LRRTM4: variants seen among roughly 807,000 people sequenced by gnomAD.
The protein encoded by LRRTM4 is leucine-rich repeat transmembrane neuronal protein 4.
In LRRTM4, 25 loss-of-function variants were observed where a neutral mutation model predicts 47.6. That is an observed-to-expected ratio of 0.53 (90% confidence interval 0.38 to 0.73). The LOEUF is 0.73. Among genes scored for constraint, LRRTM4 ranks in the 30% least tolerant of loss-of-function variants. The pLI is 0.00. For missense variants in LRRTM4, 638 were observed against 713.4 expected (o/e 0.89, Z 1.20); for synonymous variants, 311 against 269.5 (o/e 1.15, Z -1.51).
At chr2:76,809,307 C>A (rs1409964360) in intron 3 of LRRTM4, among the ~76,000 whole-genome samples, 1 of 152,048 alleles carries the variant, frequency 6.6e-6, no homozygotes, top group Non-Finnish European at 1.5e-5. Flanking sequence ...CATTTTTATT[C>A]AGTATTTTTC....
At chr2:77,188,024 C>T (rs1223616208) in intron 3 of LRRTM4, among the ~76,000 whole-genome samples, 3 of 152,074 alleles carry the variant, frequency 2.0e-5, no homozygotes, top group African/African-American at 7.2e-5. Context: ...ATACTACATA[C>T]CAATTTTACA....
chr2:77,030,101 C>G (rs1678600802), intron 3 of LRRTM4, among the ~76,000 whole-genome samples: 1 of 152,118 alleles, frequency 6.6e-6, no homozygotes. Flanking sequence ...TACACAAGTT[C>G]CAATTATCAC....
At chr2:77,084,799 A>C (rs1680655846) in intron 3 of LRRTM4, among the ~76,000 whole-genome samples, 1 of 152,246 alleles carries the variant, frequency 6.6e-6, no homozygotes, top group Non-Finnish European at 1.5e-5. Context: ...ATAGATGAAG[A>C]TATACATGAA....
chr2:77,090,420 T>A (rs1670569280), intron 3 of LRRTM4, among the ~76,000 whole-genome samples: 3 of 152,074 alleles, frequency 2.0e-5, no homozygotes, highest in African/African-American at 7.2e-5. Flanking sequence ...TATTACCCAA[T>A]CTGCTCCCGA....
chr2:76,788,712 T>C (rs556427217), intron 3 of LRRTM4, among the ~76,000 whole-genome samples: 1 of 152,318 alleles, frequency 6.6e-6, no homozygotes, highest in African/African-American at 2.4e-5. Context: ...CAGTGTCCTT[T>C]TATATCTATT....
intron 3 of LRRTM4, among the ~76,000 whole-genome samples, chr2:76,798,976 A>G (rs1573126213): frequency 1.3e-5 from 2 of 150,922 alleles, no homozygotes; most frequent in Non-Finnish European, 3.0e-5. Flanking sequence ...ACCAACCAAA[A>G]AGAGTCCAGG....
rs1407122938 is a variant in LRRTM4 at position 77,106,434 on chromosome 2, T to C, written c.1552-357518A>G. Reference sequence around the variant, plus strand: ...TTTGTATCACATGTTGTCATAAATTTTACCTTCTCTGCTGTAAGCATTACC... The same window carrying C: ...TTTGTATCACATGTTGTCATAAATTCTACCTTCTCTGCTGTAAGCATTACC... On this transcript the variant is annotated intron_variant, in intron 3 of 3. Coordinates refer to ENST00000409884, the MANE Select transcript of LRRTM4 (RefSeq NM_001134745.3). 2.0e-5 allele frequency among the ~76,000 whole-genome samples: 3 copies of C among 152,166 alleles called. No homozygotes were observed. In the East Asian group the frequency reaches 5.8e-4, roughly 29 times the overall value.
intron 3 of LRRTM4, among the ~76,000 whole-genome samples, chr2:77,457,006 A>G (rs868596678): frequency 0.17 from 1,166 of 6,784 alleles, 29 homozygotes; most frequent in African/African-American, 0.33. Context: ...GTGTGTGTGT[A>G]TATATATATA....
rs2103775788 is a variant in LRRTM4, at chr2:77,147,052, C to T, written c.1551+371266G>A. 1.3e-5 allele frequency among the ~76,000 whole-genome samples: 2 copies of T among 152,178 alleles called. 1 individual carries two copies. The highest frequency in any genetic ancestry group is 4.1e-4 in the South Asian group (2 of 4,824). ...TTAAAATATACATCTTTCCCAGAGA[C>T]AATTAGGAATGCTGCATAAAAATCA... On this transcript the variant is annotated intron_variant, in intron 3 of 3. Coordinates refer to ENST00000409884, the MANE Select transcript of LRRTM4 (RefSeq NM_001134745.3).
At chr2:76,763,665 A>C (rs937129951) in intron 3 of LRRTM4, among the ~76,000 whole-genome samples, 23 of 152,136 alleles carry the variant, frequency 1.5e-4, no homozygotes, top group Non-Finnish European at 3.4e-4. Flanking sequence ...ATAGCTAAAA[A>C]TGTAGGCATG....
intron 3 of LRRTM4, among the ~76,000 whole-genome samples, chr2:77,278,507 C>T (rs1676426148): frequency 6.6e-6 from 1 of 151,392 alleles, no homozygotes; most frequent in Non-Finnish European, 1.5e-5. Context: ...ATTAAGTTTG[C>T]CTGGAAATAA....
chr2:77,072,374 G>C (rs577525097), intron 3 of LRRTM4, among the ~76,000 whole-genome samples: 2 of 151,946 alleles, frequency 1.3e-5, no homozygotes, highest in Non-Finnish European at 2.9e-5. Flanking sequence ...CATTGCAATT[G>C]AAACATTATT....
At chr2:77,427,328 T>A (rs1157810499) in intron 3 of LRRTM4, among the ~76,000 whole-genome samples, 1 of 152,154 alleles carries the variant, frequency 6.6e-6, no homozygotes, top group African/African-American at 2.4e-5. Context: ...CTAGTTAATA[T>A]CTGAGAAAAA....
At chr2:77,376,745 C>T (rs746351846) in intron 3 of LRRTM4, among the ~76,000 whole-genome samples, 1 of 151,804 alleles carries the variant, frequency 6.6e-6, no homozygotes, top group Non-Finnish European at 1.5e-5. Flanking sequence ...ATATTTATCA[C>T]TAGTGAAGTT....
chr2:76,994,396 G>A (rs1677124995), intron 3 of LRRTM4, among the ~76,000 whole-genome samples: 1 of 151,892 alleles, frequency 6.6e-6, no homozygotes. Context: ...AATTTCATGT[G>A]CAAGCATCCA....
At chr2:77,306,442 C>G (rs1237083295) in intron 3 of LRRTM4, among the ~76,000 whole-genome samples, 5 of 152,168 alleles carry the variant, frequency 3.3e-5, no homozygotes, top group African/African-American at 1.2e-4. Flanking sequence ...AAACCCTAAA[C>G]TTAATAGTTT....
intron 3 of LRRTM4, among the ~76,000 whole-genome samples, chr2:76,807,443 T>TATATATATAC (rs1340328428): frequency 5.0e-5 from 5 of 99,486 alleles, no homozygotes; most frequent in Non-Finnish European, 8.8e-5. Flanking sequence ...TATACGTATA[T>TATATATATAC]ACATATATAT....
intron 3 of LRRTM4, among the ~76,000 whole-genome samples, chr2:77,017,923 A>G (rs1678126516): frequency 1.3e-5 from 2 of 152,008 alleles, no homozygotes; most frequent in Admixed American, 1.3e-4. Context: ...GTGTTAGCTC[A>G]AACGAGATAA....
At chr2:77,079,627 AC>A (rs1250480365) in intron 3 of LRRTM4, among the ~76,000 whole-genome samples, 7 of 152,166 alleles carry the variant, frequency 4.6e-5, no homozygotes, top group Non-Finnish European at 7.3e-5. Context: ...AAGATTGGAT[AC>A]CCCTGCTGAA....
Sources: gnomAD v4.1 joint callset for allele counts (sites outside exome capture counted in the v4.1 genomes callset) on GRCh38, gnomAD v4.1.1 for gene constraint, MANE v1.5 for transcripts, NCBI Gene and HGNC (gene_info 2026-07-23, HGNC 2026-07-21) for gene names.